Variants in RBFOX1 observed in about 807,000 individuals in gnomAD.
RBFOX1 encodes RNA binding protein fox-1 homolog 1.
In RBFOX1, 8 loss-of-function variants were observed where a neutral mutation model predicts 57.7. That is an observed-to-expected ratio of 0.14 (90% CI 0.08 to 0.25). The LOEUF is 0.25. Among genes scored for constraint, RBFOX1 ranks in the 10% least tolerant of loss-of-function variants. The probability of loss-of-function intolerance (pLI) is 1.00; values close to 1 mark genes in which losing one functional copy is unlikely to be tolerated. For missense variants in RBFOX1, 611 were observed against 548.5 expected (o/e 1.11, Z -1.14); for synonymous variants, 326 against 222.4 (o/e 1.47, Z -4.15).
At chr16:6,679,020 C>G (rs895854192) in intron 3 of RBFOX1, among the ~76,000 whole-genome samples, 2 of 152,068 alleles carry the variant, frequency 1.3e-5, no homozygotes, top group African/African-American at 2.4e-5. Context: ...TCAAAGAGAT[C>G]GACTCTGCGT....
At chr16:7,629,492 G>A (rs1354245102) in intron 10 of RBFOX1, among the ~76,000 whole-genome samples, 4 of 152,094 alleles carry the variant, frequency 2.6e-5, no homozygotes, top group Admixed American at 2.0e-4. Context: ...AATCAAACTG[G>A]GGCGGTTGAC....
At chr16:6,716,769 T>G (rs1414335713) in intron 3 of RBFOX1, among the ~76,000 whole-genome samples, 1 of 152,184 alleles carries the variant, frequency 6.6e-6, no homozygotes, top group African/African-American at 2.4e-5. Context: ...AAGGGATTTT[T>G]TTTTTCCCTG....
chr16:7,547,560 C>G (rs2084939494), intron 5 of RBFOX1, among the ~76,000 whole-genome samples: 1 of 152,166 alleles, frequency 6.6e-6, no homozygotes, highest in African/African-American at 2.4e-5. Context: ...GCAAATAATC[C>G]TTTCCATATT....
Position 7,054,111 on chromosome 16 carries a change from T to TCTTC in RBFOX1, c.27+2017_27+2020dup, listed in dbSNP as rs1469789204. Among the ~76,000 whole-genome samples the TCTTC allele has an allele frequency of 1.0e-4, 15 of 149,290 alleles. No homozygotes were observed. In the East Asian group the frequency reaches 3.0e-3, roughly 30 times the overall value. On this transcript the variant is annotated intron_variant, in intron 4 of 15. Coordinates refer to ENST00000550418, the MANE Select transcript of RBFOX1 (RefSeq NM_018723.4). ...GTTCTCTGTCTTTCCATCTCTTTCTTCTTCCTTTCCTCCCTCCCTCTTTTC... is the reference window on the plus strand; with the variant it reads ...GTTCTCTGTCTTTCCATCTCTTTCTTCTTCCTTCCTTTCCTCCCTCCCTCTTTTC...
intron 3 of RBFOX1, among the ~76,000 whole-genome samples, chr16:5,646,122 C>T (rs933622320): frequency 1.3e-5 from 2 of 151,416 alleles, no homozygotes; most frequent in South Asian, 2.1e-4. Context: ...CTCTGCCTCC[C>T]GGGTTTACAC....
chr16:6,699,940 G>A (rs1416474918), intron 3 of RBFOX1, among the ~76,000 whole-genome samples: 4 of 152,160 alleles, frequency 2.6e-5, no homozygotes, highest in Admixed American at 6.5e-5. Context: ...ACATTGTTTT[G>A]AGTTATTGCA....
chr16:7,178,690 G>A (rs1567587259), intron 4 of RBFOX1, among the ~76,000 whole-genome samples: 1 of 152,104 alleles, frequency 6.6e-6, no homozygotes, highest in Non-Finnish European at 1.5e-5. Flanking sequence ...TCTACTTGAT[G>A]GTAAAAGTCA....
intron 1 of RBFOX1, among the ~76,000 whole-genome samples, chr16:6,262,940 G>T (rs1312985034): frequency 6.6e-6 from 1 of 152,144 alleles, no homozygotes; most frequent in East Asian, 1.9e-4. Flanking sequence ...CACTGAGGCC[G>T]GGAGAGGGCC....
intron 1 of RBFOX1, among the ~76,000 whole-genome samples, chr16:6,031,968 C>G (rs2095297144): frequency 6.6e-6 from 1 of 152,198 alleles, no homozygotes; most frequent in African/African-American, 2.4e-5. Context: ...TAGTCCACCC[C>G]TGAATTGTTC....
intron 4 of RBFOX1, among the ~76,000 whole-genome samples, chr16:7,103,341 G>C (rs534321170): frequency 3.0e-4 from 46 of 152,160 alleles, no homozygotes; most frequent in Admixed American, 4.6e-4. Flanking sequence ...TGCCTATTAA[G>C]GGGCAGGCAT....
chr16:5,423,368 G>T (rs2067413739), intron 1 of RBFOX1, among the ~76,000 whole-genome samples: 2 of 152,124 alleles, frequency 1.3e-5, no homozygotes, highest in South Asian at 2.1e-4. Flanking sequence ...GGTTTTCTCT[G>T]ATGTATAGAT....
chr16:6,553,617 G>C (rs1345656240), intron 2 of RBFOX1, among the ~76,000 whole-genome samples: 3 of 152,160 alleles, frequency 2.0e-5, no homozygotes, highest in African/African-American at 7.2e-5. Flanking sequence ...GGTGAGAGTA[G>C]ACGCGGTGGG....
intron 4 of RBFOX1, among the ~76,000 whole-genome samples, chr16:7,325,533 G>A (rs1189131271): frequency 1.3e-5 from 2 of 152,128 alleles, no homozygotes; most frequent in African/African-American, 2.4e-5. Flanking sequence ...CCCATGGAAC[G>A]GCTCATTTGC....
intron 3 of RBFOX1, among the ~76,000 whole-genome samples, chr16:5,803,026 G>C (rs957190462): frequency 2.0e-5 from 3 of 152,134 alleles, no homozygotes; most frequent in Admixed American, 2.0e-4. Context: ...ACATGTACTT[G>C]GGTAATAATT....
chr16:6,634,040 C>T (rs934637880), intron 2 of RBFOX1, among the ~76,000 whole-genome samples: 1 of 151,838 alleles, frequency 6.6e-6, no homozygotes, highest in Admixed American at 6.6e-5. Context: ...TTTGTGTAAA[C>T]CGATGCATTT....
chr16:7,272,297 G>C (rs1246283320), intron 4 of RBFOX1, among the ~76,000 whole-genome samples: 1 of 152,044 alleles, frequency 6.6e-6, no homozygotes, highest in East Asian at 1.9e-4. Context: ...TGATTGTCCT[G>C]CCTCGGCCTC....
At chr16:7,215,010 A>C (rs7192198) in intron 4 of RBFOX1, among the ~76,000 whole-genome samples, 17,372 of 152,108 alleles carry the variant, frequency 0.11, 1,144 homozygotes, top group African/African-American at 0.17. Context: ...TCTAGGTTTT[A>C]AGCCCCACAT....
chr16:6,563,519 G>A (rs1313552191), intron 2 of RBFOX1, among the ~76,000 whole-genome samples: 2 of 152,144 alleles, frequency 1.3e-5, no homozygotes, highest in Admixed American at 6.5e-5. Flanking sequence ...TGTCTCCCAA[G>A]GAAAATACTA....
At chr16:5,646,285 A>C (rs908241895) in intron 3 of RBFOX1, among the ~76,000 whole-genome samples, 4 of 149,326 alleles carry the variant, frequency 2.7e-5, no homozygotes, top group African/African-American at 9.9e-5. Flanking sequence ...TCGGCCTCCC[A>C]AAGTGCTGGG....
Sources: gnomAD v4.1 joint callset for allele counts (sites outside exome capture counted in the v4.1 genomes callset) on GRCh38, gnomAD v4.1.1 for gene constraint, MANE v1.5 for transcripts, NCBI Gene and HGNC (gene_info 2026-07-23, HGNC 2026-07-21) for gene names.